The following ZNF580 variants were observed in gnomAD, a reference collection of about 807,000 sequenced individuals.
ZNF580 encodes LDL-induced EC protein.
Under a neutral mutation model 1.3 loss-of-function variants are expected in ZNF580, and 1 was observed. The ratio of observed to expected loss-of-function variants is 0.77; its 90% CI spans 0.27 to 3.65. ZNF580 has a LOEUF of 3.65. ZNF580 is among the 30% of genes most tolerant of loss of function. The pLI, the probability that ZNF580 is intolerant of heterozygous loss-of-function variation, is 0.19. For missense variants in ZNF580, 268 were observed against 272.3 expected (o/e 0.98, Z 0.11); for synonymous variants, 135 against 128.8 (o/e 1.05, Z -0.32).
Position 55,642,902 on chromosome 19 carries a change from T to A in ZNF580, c.394T>A (p.Ser132Thr). 6.5e-7 allele frequency: 1 copy of A among 1,541,906 alleles called. No homozygotes were observed. Among genetic ancestry groups the A allele is most frequent in the African/African-American group, 1.4e-5 (1 of 70,472 alleles). The change falls in exon 2 of 2, where the codon TCC (serine) becomes ACC (threonine). Residue 132 changes from serine to threonine, a missense_variant. Transcript: ENST00000325333. ...CGACGKAFKR[S>T]SHLSRHRATH... ...CGCCTGCGGCAAGGCCTTCAAGCGC[T>A]CCAGCCACCTGTCGCGGCATCGCGC...
chr19:55,641,091 G>T lies in ZNF580; in HGVS notation c.-105G>T. The T allele has an allele frequency of 2.0e-6, 2 of 985,372 alleles. No homozygotes were observed. Among genetic ancestry groups the T allele is most frequent in the Non-Finnish European group, 2.4e-6 (2 of 829,916 alleles). The allele number at this position is 985,372 out of a possible 1,614,324, so 61.0% of individuals were successfully genotyped here. The stretch of plus-strand genomic sequence containing the variant: ...GCCGCCGGCCCGGAGCTGCCCGGAA[G>T]TCTCGGTTCCGCCGCCGGCGCTCGC... On this transcript the variant is annotated 5_prime_UTR_variant, in exon 1 of 2. Transcript: ENST00000325333.
chr19:55,642,615 C>G lies in ZNF580; in HGVS notation c.107C>G (p.Ser36Cys), dbSNP rs1436368179. 2.7e-6 allele frequency: 4 copies of G among 1,463,346 alleles called. No homozygotes were observed. Among genetic ancestry groups the G allele is most frequent in the Non-Finnish European group, 3.6e-6 (4 of 1,109,354 alleles). 90.6% of individuals were successfully genotyped at this position (1,463,346 alleles called of 1,614,324 possible). The change falls in exon 2 of 2, where the codon TCC becomes TGC. Residue 36 changes from serine (S) to cysteine (C), a missense_variant. Around this residue, in one of 2 missense-constraint regions of ZNF580, gnomAD observed 225 missense variants for 201.7 expected, o/e 1.12. Transcript: ENST00000325333. ...CCTTTCCCCAAGGCGGAAGGCCCCTCCTCCACTCCTTCCTCGGCGGCGGGG... is the reference window on the plus strand; with the variant it reads ...CCTTTCCCCAAGGCGGAAGGCCCCTGCTCCACTCCTTCCTCGGCGGCGGGG... ...APPFPKAEGP[S>C]STPSSAAGPR...
At position 55,642,800 on chromosome 19, in the gene ZNF580, GC is replaced by G; in HGVS notation, c.295del (p.Arg99ValfsTer92). 1 of 1,565,384 alleles carries G rather than the reference GC, an allele frequency of 6.4e-7. No individual in the cohort carries two copies. The highest frequency in any genetic ancestry group is 8.6e-7 in the Non-Finnish European group (1 of 1,163,402). On this transcript the variant is annotated frameshift_variant, in exon 2 of 2. Coordinates refer to ENST00000325333, the MANE Select transcript of ZNF580 (RefSeq NM_207115.2). LOFTEE classifies it low-confidence loss of function (END_TRUNC). ...CAAGGGCTACAGCTGCCCGGAGTGC[GC>G]CCGTGTCTTTGCCAGCCCTCTGCGG... ...PRKGYSCPEC[A>X]RVFASPLRLQ...
At chr19:55,642,238 C>G (rs1982546989) in intron 1 of ZNF580, 13 of 1,214,022 alleles carry the variant, frequency 1.1e-5, no homozygotes, top group Non-Finnish European at 1.2e-5. Context: ...TCAGACCTGA[C>G]CTGAGTGGTG....
At chr19:55,641,218 C>T in intron 1 of ZNF580, 35 bp downstream of exon 1, 2 of 981,754 alleles carry the variant, frequency 2.0e-6, no homozygotes, top group Non-Finnish European at 1.2e-6. Flanking sequence ...GAGCCTGGCC[C>T]TGGGACGACG....
rs1459859703 is a variant in ZNF580, at chr19:55,642,835, C to T, written c.327C>T (p.Ser109=). ...RVFASPLRLQ[S]HRVSHSDLKP... ...TTGCCAGCCCTCTGCGGCTGCAGAG[C>T]CACCGCGTGTCGCACTCGGACCTCA... is the stretch of plus-strand genomic sequence containing the variant. The change falls in exon 2 of 2, where the codon AGC becomes AGT. Residue 109 remains serine (S), a synonymous_variant. Coordinates refer to ENST00000325333, the MANE Select transcript of ZNF580 (RefSeq NM_207115.2). 11 of 1,574,710 alleles carry T rather than the reference C, an allele frequency of 7.0e-6. No individual in the cohort carries two copies. Among genetic ancestry groups the T allele is most frequent in the Non-Finnish European group, 9.4e-6 (11 of 1,168,752 alleles).
In ZNF580 at chr19:55,642,728, C is replaced by T. The variant is rs1342406323; in HGVS notation, c.220C>T (p.Arg74Trp). 7 of 1,512,764 alleles carry T rather than the reference C, an allele frequency of 4.6e-6. No homozygotes were observed. Among genetic ancestry groups the T allele is most frequent in the Non-Finnish European group, 6.2e-6 (7 of 1,132,928 alleles). 93.7% of individuals were successfully genotyped at this position (1,512,764 alleles called of 1,614,324 possible). The change falls in exon 2 of 2, where the codon CGG becomes TGG. Residue 74 changes from arginine to tryptophan, a missense_variant. By Grantham distance (101) the Arg-to-Trp change is moderately radical. Transcript: ENST00000325333. ...TYTVQLEEEP[R>W]GPPQREAPPG... ...CACGGTGCAGCTGGAGGAGGAGCCC[C>T]GGGGCCCGCCCCAGCGCGAGGCGCC...
rs750478737 is a variant in ZNF580 at position 55,642,818 on chromosome 19, C to G, written c.310C>G (p.Pro104Ala). Residue 104 changes from proline (P) to alanine (A), a missense_variant, in exon 2 of 2, where the codon CCT becomes GCT. This residue lies in a region of ZNF580 where 225 missense variants were observed against 201.7 expected (regional missense o/e 1.12). Transcript: ENST00000325333. Reference protein sequence around the residue: ...CPECARVFASPLRLQSHRVSH... With the variant: ...CPECARVFASALRLQSHRVSH... ...GGAGTGCGCCCGTGTCTTTGCCAGC[C>G]CTCTGCGGCTGCAGAGCCACCGCGT... The G allele has an allele frequency of 6.4e-7, 1 of 1,573,804 alleles. No individual in the cohort carries two copies. Among genetic ancestry groups the G allele is most frequent in the South Asian group, 1.2e-5 (1 of 86,754 alleles).
Position 55,643,054 on chromosome 19 carries a change from GC to G in ZNF580, c.*30del. On this transcript the variant is annotated 3_prime_UTR_variant, in exon 2 of 2. Coordinates refer to ENST00000325333, the MANE Select transcript of ZNF580 (RefSeq NM_207115.2). ...CTCGAGACCCGGCCTGTGCTGCCCTGCCCGTCTCAGGGCCACCAAGTCTGAC... is the reference window on the plus strand; with the variant it reads ...CTCGAGACCCGGCCTGTGCTGCCCTGCCGTCTCAGGGCCACCAAGTCTGAC... The G allele has an allele frequency of 7.4e-7, 1 of 1,343,438 alleles. No individual in the cohort carries two copies. Among genetic ancestry groups the G allele is most frequent in the Non-Finnish European group, 9.6e-7 (1 of 1,045,392 alleles). 83.2% of individuals were successfully genotyped at this position (1,343,438 alleles called of 1,614,324 possible).
Position 55,642,583 on chromosome 19 carries a change from G to A in ZNF580, c.75G>A (p.Lys25=), listed in dbSNP as rs747045337. The A allele has an allele frequency of 2.8e-6, 4 of 1,442,050 alleles. No individual in the cohort carries two copies. In the Admixed American group the frequency reaches 8.2e-5, roughly 30 times the overall value. 89.3% of individuals were successfully genotyped at this position (1,442,050 alleles called of 1,614,324 possible). ...AGGCCATGGACCCACCGCCCCCCAA[G>A]GCTCCCCCTTTCCCCAAGGCGGAAG... The part of the protein sequence containing the change: ...SPEAMDPPPP[K]APPFPKAEGP... Residue 25 remains lysine (K), a synonymous_variant, in exon 2 of 2, where the codon AAG becomes AAA. Coordinates refer to ENST00000325333, the MANE Select transcript of ZNF580 (RefSeq NM_207115.2).
intron 1 of ZNF580, 149 bp downstream of exon 1, chr19:55,641,332 G>A: frequency 6.1e-6 from 3 of 488,368 alleles, no homozygotes; most frequent in Non-Finnish European, 8.0e-6. Context: ...AAGTCGAGGC[G>A]CCAGGGCTCC....
At chr19:55,642,040 A>G (rs1982528031) in intron 1 of ZNF580, 1 of 985,490 alleles carries the variant, frequency 1.0e-6, no homozygotes, top group Non-Finnish European at 1.2e-6. Context: ...GGGGGCGGCA[A>G]AGGGAGGGGA....
rs1365865845 is a variant in ZNF580 at position 55,641,029 on chromosome 19, C to T, written c.-167C>T. 5.1e-6 allele frequency: 5 copies of T among 985,326 alleles called. No homozygotes were observed. The highest frequency in any genetic ancestry group is 9.4e-5 in the South Asian group (2 of 21,302). 61.0% of individuals were successfully genotyped at this position (985,326 alleles called of 1,614,324 possible). ...CTTTTCCCAGGGACTCCGCCAACCC[C>T]TCGCACCCCCGCGCCCCCAGTCCCC... On this transcript the variant is annotated 5_prime_UTR_variant, in exon 1 of 2. Transcript: ENST00000325333.
In ZNF580 at chr19:55,643,439, G is replaced by A. The variant is rs1203534874; in HGVS notation, c.*412G>A. ...CTACCCCCCTTCCGCCCACGCCCCCGACCCTTTGCTCAATAAACATTCCGC... is the reference window on the plus strand; with the variant it reads ...CTACCCCCCTTCCGCCCACGCCCCCAACCCTTTGCTCAATAAACATTCCGC... On this transcript the variant is annotated 3_prime_UTR_variant, in exon 2 of 2. Transcript: ENST00000325333. 2 of 207,476 alleles carry A rather than the reference G, an allele frequency of 9.6e-6. No individual in the cohort carries two copies. Among genetic ancestry groups the A allele is most frequent in the Non-Finnish European group, 2.1e-5 (2 of 95,394 alleles). The allele number at this position is 207,476 out of a possible 1,614,324, so 12.9% of individuals were successfully genotyped here.
chr19:55,642,194 G>A (rs951676492), intron 1 of ZNF580: 20 of 1,145,874 alleles, frequency 1.7e-5, no homozygotes, highest in East Asian at 4.3e-5. Context: ...GGGTTGAGAG[G>A]AGAAAAGGGA....
chr19:55,642,163 G>C lies in ZNF580; in HGVS notation c.-12-334G>C, dbSNP rs945840979. ...GATGTAAAGAGGTAAACAGATTTAG[G>C]GATTGATTGTCTGCTGGGGTGGGTT... On this transcript the variant is annotated intron_variant, in intron 1 of 1. Coordinates refer to ENST00000325333, the MANE Select transcript of ZNF580 (RefSeq NM_207115.2). 3 of 1,079,812 alleles carry C rather than the reference G, an allele frequency of 2.8e-6. No individual in the cohort carries two copies. In the African/African-American group the frequency reaches 4.9e-5, roughly 18 times the overall value. 66.9% of individuals were successfully genotyped at this position (1,079,812 alleles called of 1,614,324 possible).
In ZNF580 at chr19:55,643,259, G is replaced by A. The variant is rs1443758595; in HGVS notation, c.*232G>A. 13 of 580,050 alleles carry A rather than the reference G, an allele frequency of 2.2e-5. No individual in the cohort carries two copies. The highest frequency in any genetic ancestry group is 2.1e-5 in the Non-Finnish European group (8 of 377,640). 35.9% of individuals were successfully genotyped at this position (580,050 alleles called of 1,614,324 possible). ...CCTCCCTGGGCCTGGGAACCAGTCGGAACTGGGTTCCAGTCCAGCTGTGCT... is the reference window on the plus strand; with the variant it reads ...CCTCCCTGGGCCTGGGAACCAGTCGAAACTGGGTTCCAGTCCAGCTGTGCT... On this transcript the variant is annotated 3_prime_UTR_variant, in exon 2 of 2. Coordinates refer to ENST00000325333, the MANE Select transcript of ZNF580 (RefSeq NM_207115.2).
At position 55,641,100 on chromosome 19, in the gene ZNF580, C is replaced by A; in HGVS notation, c.-96C>A. On this transcript the variant is annotated 5_prime_UTR_variant, in exon 1 of 2. Coordinates refer to ENST00000325333, the MANE Select transcript of ZNF580 (RefSeq NM_207115.2). ...CCGGAGCTGCCCGGAAGTCTCGGTT[C>A]CGCCGCCGGCGCTCGCCAGGGGAAG... 1.0e-6 allele frequency: 1 copy of A among 985,274 alleles called. No individual in the cohort carries two copies. The highest frequency in any genetic ancestry group is 6.1e-5 in the Admixed American group (1 of 16,268). The allele number at this position is 985,274 out of a possible 1,614,324, so 61.0% of individuals were successfully genotyped here. A position where few individuals can be genotyped will look rare whatever the true frequency, so the allele number is the denominator to read the frequency against.
Position 55,641,156 on chromosome 19 carries a change from C to T in ZNF580, c.-40C>T. On this transcript the variant is annotated 5_prime_UTR_variant, in exon 1 of 2. Transcript: ENST00000325333. ...GGCCGCCCGGGACCTCGGCCCGTTC[C>T]TCCGGACCCGAGAGGCCGCCGCACG... 2.0e-6 allele frequency: 2 copies of T among 985,430 alleles called. No individual in the cohort carries two copies. The highest frequency in any genetic ancestry group is 1.2e-6 in the Non-Finnish European group (1 of 829,954). 61.0% of individuals were successfully genotyped at this position (985,430 alleles called of 1,614,324 possible).
Sources: gnomAD v4.1 joint callset for allele counts on GRCh38, gnomAD v4.1.1 for gene constraint, gnomAD v4.1.1 regional missense constraint, MANE v1.5 for transcripts, NCBI Gene and HGNC (gene_info 2026-07-23, HGNC 2026-07-21) for gene names.